Variants in CARMIL1 observed in about 807,000 individuals in gnomAD.
The protein encoded by CARMIL1 is F-actin-uncapping protein LRRC16A.
In CARMIL1, 90 loss-of-function variants were observed where a neutral mutation model predicts 177.1. That is an observed-to-expected ratio of 0.51 (90% confidence interval 0.43 to 0.61). The LOEUF is 0.61. Ranked by LOEUF, CARMIL1 falls within the 20% of genes least tolerant of loss-of-function variation. The pLI is 0.00. For missense variants in CARMIL1, 1,380 were observed against 1,667.0 expected (o/e 0.83, Z 3.00); for synonymous variants, 577 against 606.2 (o/e 0.95, Z 0.71).
intron 2 of CARMIL1, among the ~76,000 whole-genome samples, chr6:25,318,839 G>C (rs1274086791): frequency 6.6e-6 from 1 of 152,146 alleles, no homozygotes; most frequent in Non-Finnish European, 1.5e-5. Context: ...GCCATTGTTT[G>C]CCCTGGTTTG....
chr6:25,322,421 C>A (rs1041697732), intron 2 of CARMIL1, among the ~76,000 whole-genome samples: 2 of 152,228 alleles, frequency 1.3e-5, no homozygotes, highest in African/African-American at 2.4e-5. Flanking sequence ...CTATGCCCAG[C>A]CTTCACTGCT....
intron 2 of CARMIL1, among the ~76,000 whole-genome samples, chr6:25,329,776 T>C (rs73396170): frequency 0.018 from 2,808 of 152,312 alleles, 81 homozygotes; most frequent in African/African-American, 0.063. Flanking sequence ...GTTGTATGTG[T>C]GTTTTGAAAG....
intron 2 of CARMIL1, among the ~76,000 whole-genome samples, chr6:25,419,645 A>G (rs754656204): frequency 1.3e-5 from 2 of 152,210 alleles, no homozygotes; most frequent in Non-Finnish European, 2.9e-5. Context: ...TGCTCTGTGC[A>G]TTATATAAAT....
intron 2 of CARMIL1, among the ~76,000 whole-genome samples, chr6:25,331,638 C>T (rs566482394): frequency 2.8e-4 from 43 of 152,276 alleles, no homozygotes; most frequent in South Asian, 1.0e-3. Context: ...TTGCAGGACC[C>T]GTGAGGCATC....
At chr6:25,418,937 G>A (rs1795603705) in intron 2 of CARMIL1, among the ~76,000 whole-genome samples, 1 of 152,116 alleles carries the variant, frequency 6.6e-6, no homozygotes, top group African/African-American at 2.4e-5. Context: ...TCTGGCTTGA[G>A]TTATCCCCTA....
At chr6:25,500,909 G>A (rs951153310) in intron 17 of CARMIL1, among the ~76,000 whole-genome samples, 4 of 151,520 alleles carry the variant, frequency 2.6e-5, no homozygotes, top group South Asian at 2.1e-4. Flanking sequence ...ACAGGCGCCC[G>A]CCACCACGCC....
chr6:25,353,344 TA>T (rs1788294702), intron 2 of CARMIL1, among the ~76,000 whole-genome samples: 1 of 152,154 alleles, frequency 6.6e-6, no homozygotes, highest in African/African-American at 2.4e-5. Flanking sequence ...GCAGACAGGG[TA>T]AATGCTGTCC....
chr6:25,573,904 T>C (rs1812347632), intron 29 of CARMIL1, among the ~76,000 whole-genome samples: 1 of 152,156 alleles, frequency 6.6e-6, no homozygotes, highest in South Asian at 2.1e-4. Context: ...TTAATTTGAG[T>C]TCTTGGGCTC....
intron 2 of CARMIL1, among the ~76,000 whole-genome samples, chr6:25,354,932 GGACA>G (rs375852407): frequency 1.3e-5 from 2 of 152,234 alleles, no homozygotes; most frequent in African/African-American, 2.4e-5. Context: ...AGAGTCACCT[GGACA>G]GTCACTCCCA....
chr6:25,620,445 T>A lies in CARMIL1; in HGVS notation c.*862T>A, dbSNP rs1759648912. ...TCAAAATACTACTCTTTATAAGACATTTCACAAATATTCACTTACATTACA... is the reference window on the plus strand; with the variant it reads ...TCAAAATACTACTCTTTATAAGACAATTCACAAATATTCACTTACATTACA... On this transcript the variant is annotated 3_prime_UTR_variant, in exon 37 of 37. Coordinates refer to ENST00000329474, the MANE Select transcript of CARMIL1 (RefSeq NM_017640.6). 1 of 152,218 alleles carries A rather than the reference T, an allele frequency of 6.6e-6. No homozygotes were observed. Among genetic ancestry groups the A allele is most frequent in the Admixed American group, 6.5e-5 (1 of 15,278 alleles). 9.4% of individuals were successfully genotyped at this position (152,218 alleles called of 1,614,324 possible).
chr6:25,459,265 T>TCTTTCTTTCTTTCTTTCTTTC (rs1562167771), intron 8 of CARMIL1, among the ~76,000 whole-genome samples: 1 of 115,294 alleles, frequency 8.7e-6, no homozygotes, highest in Non-Finnish European at 1.9e-5. Context: ...TTTCTTTCTT[T>TCTTTCTTTCTTTCTTTCTTTC]CTTTTTTTTT....
intron 24 of CARMIL1, among the ~76,000 whole-genome samples, chr6:25,530,577 C>T (rs772963170): frequency 7.9e-5 from 12 of 152,070 alleles, no homozygotes; most frequent in East Asian, 1.9e-4. Flanking sequence ...TAGACGTAAA[C>T]GAGGTAATGT....
intron 31 of CARMIL1, among the ~76,000 whole-genome samples, chr6:25,586,339 C>T (rs1199832468): frequency 6.7e-6 from 1 of 149,330 alleles, no homozygotes; most frequent in African/African-American, 2.5e-5. Context: ...GGCAGAGGCG[C>T]TCCTCACATC....
At chr6:25,495,018 A>G (rs1803564477) in intron 15 of CARMIL1, 93 bp from the exon 16 acceptor site, 8 of 699,452 alleles carry the variant, frequency 1.1e-5, no homozygotes, top group Non-Finnish European at 2.0e-5. Flanking sequence ...TGCAGAAAAT[A>G]TGACTGATTT....
In CARMIL1 at chr6:25,459,193, A is replaced by C. The variant is rs556956913; in HGVS notation, c.615-6680A>C. Reference sequence around the variant, plus strand: ...TATTCTGAAGTGTCAACTGACATAGAAATAAGGATCCCAACTTTTTCTTTC... The same window carrying C: ...TATTCTGAAGTGTCAACTGACATAGCAATAAGGATCCCAACTTTTTCTTTC... On this transcript the variant is annotated intron_variant, in intron 8 of 36. Coordinates refer to ENST00000329474, the MANE Select transcript of CARMIL1 (RefSeq NM_017640.6). Among the ~76,000 whole-genome samples the C allele has an allele frequency of 2.2e-4, 28 of 127,960 alleles. No individual in the cohort carries two copies. In the East Asian group the frequency reaches 5.9e-3, roughly 27 times the overall value. The allele number at this position is 127,960 out of a possible 152,430, so 83.9% of individuals were successfully genotyped here. A position where few individuals can be genotyped will look rare whatever the true frequency, so the allele number is the denominator to read the frequency against.
intron 29 of CARMIL1, among the ~76,000 whole-genome samples, chr6:25,560,916 G>A (rs1047301323): frequency 2.6e-5 from 4 of 152,154 alleles, no homozygotes; most frequent in Non-Finnish European, 5.9e-5. Flanking sequence ...TATCTGCTGT[G>A]TTCAGTTGTT....
intron 2 of CARMIL1, among the ~76,000 whole-genome samples, chr6:25,381,672 A>C (rs866572247): frequency 4.3e-4 from 66 of 152,326 alleles, no homozygotes; most frequent in African/African-American, 1.5e-3. Context: ...TGCACAGGAC[A>C]AGGTATAGAG....
In CARMIL1 at chr6:25,377,785, GTCT is replaced by G. The variant is rs140285881; in HGVS notation, c.139-42322_139-42320del. ...ATGACTTTTCTCCTTCCTGCATGTT[GTCT>G]TCTTCTGCCTGAAGATGCTAATCTC... On this transcript the variant is annotated intron_variant, in intron 2 of 36. Transcript: ENST00000329474. Among the ~76,000 whole-genome samples the G allele has an allele frequency of 4.7e-4, 72 of 152,288 alleles. No individual in the cohort carries two copies. The East Asian group carries it at 0.011, about 24-fold the overall frequency.
At position 25,619,891 on chromosome 6, in the gene CARMIL1, T is replaced by G; in HGVS notation, c.*308T>G. 32 of 168,788 alleles carry G rather than the reference T, an allele frequency of 1.9e-4. No individual in the cohort carries two copies. The highest frequency in any genetic ancestry group is 6.7e-4 in the East Asian group (4 of 6,014). The allele number at this position is 168,788 out of a possible 1,614,324, so 10.5% of individuals were successfully genotyped here. On this transcript the variant is annotated 3_prime_UTR_variant, in exon 37 of 37. Coordinates refer to ENST00000329474, the MANE Select transcript of CARMIL1 (RefSeq NM_017640.6). ...AAGCCAGCAATTATCCCATGGGCCCTACTTGAATTTATCTGAGGCAGCTAC... is the reference window on the plus strand; with the variant it reads ...AAGCCAGCAATTATCCCATGGGCCCGACTTGAATTTATCTGAGGCAGCTAC...
Sources: gnomAD v4.1 joint callset for allele counts (sites outside exome capture counted in the v4.1 genomes callset) on GRCh38, gnomAD v4.1.1 for gene constraint, MANE v1.5 for transcripts, NCBI Gene and HGNC (gene_info 2026-07-23, HGNC 2026-07-21) for gene names.